The following RNF11 variants were observed in gnomAD, a reference collection of about 807,000 sequenced individuals.
The protein encoded by RNF11 is ring finger protein 11.
Under a neutral mutation model 15.8 loss-of-function variants are expected in RNF11, and 4 were observed. The ratio of observed to expected loss-of-function variants is 0.25; its 90% CI spans 0.12 to 0.58. The LOEUF is 0.58. Ranked by LOEUF, RNF11 falls within the 20% of genes least tolerant of loss-of-function variation. The pLI is 0.91. For synonymous variants in RNF11, 68 were observed against 72.3 expected, an observed-to-expected ratio of 0.94 and a Z score of 0.30; for missense variants, 139 against 194.4, an observed-to-expected ratio of 0.71 and a Z score of 1.70.
chr1:51,236,971 C>T, intron 1 of RNF11, 92 bp downstream of exon 1: 1 of 1,480,488 alleles, frequency 6.8e-7, no homozygotes, highest in Non-Finnish European at 9.1e-7. Context: ...CTGGCTTCGG[C>T]AAGGCCTGGC....
intron 1 of RNF11, among the ~76,000 whole-genome samples, chr1:51,257,449 C>T (rs1336755097): frequency 6.6e-6 from 1 of 151,986 alleles, no homozygotes; most frequent in Non-Finnish European, 1.5e-5. Flanking sequence ...TTTTTATTTA[C>T]ATTTTTTGTT....
At chr1:51,266,677 G>T (rs1364161966) in intron 1 of RNF11, among the ~76,000 whole-genome samples, 1 of 152,018 alleles carries the variant, frequency 6.6e-6, no homozygotes, top group African/African-American at 2.4e-5. Flanking sequence ...TGCCCAGGCT[G>T]GTCTCAAACT....
chr1:51,245,087 A>AGATATG, intron 1 of RNF11, among the ~76,000 whole-genome samples: 1 of 152,176 alleles, frequency 6.6e-6, no homozygotes, highest in African/African-American at 2.4e-5. Context: ...TTGAGACATA[A>AGATATG]TCTTACTCTG....
At chr1:51,257,301 T>C (rs1646908131) in intron 1 of RNF11, among the ~76,000 whole-genome samples, 1 of 152,214 alleles carries the variant, frequency 6.6e-6, no homozygotes, top group South Asian at 2.1e-4. Flanking sequence ...CTCTGGCATA[T>C]TTAAAATGGT....
chr1:51,259,546 C>T (rs1055156857), intron 1 of RNF11, among the ~76,000 whole-genome samples: 4 of 152,170 alleles, frequency 2.6e-5, no homozygotes, highest in African/African-American at 9.7e-5. Context: ...CAAAAATTCT[C>T]ATGTTAAATG....
intron 1 of RNF11, among the ~76,000 whole-genome samples, chr1:51,240,146 A>G (rs1287730481): frequency 6.6e-6 from 1 of 152,128 alleles, no homozygotes; most frequent in African/African-American, 2.4e-5. Context: ...CATTCAAAGT[A>G]AAAATCAGAT....
Position 51,236,711 on chromosome 1 carries a change from A to G in RNF11, c.-46A>G. ...GACCGCGGAGTGTGCGAACGACCCC[A>G]CCGCTGCTTTCTCCTCCCCCAGATC... On this transcript the variant is annotated 5_prime_UTR_variant, in exon 1 of 3. Coordinates refer to ENST00000242719, the MANE Select transcript of RNF11 (RefSeq NM_014372.5). The G allele has an allele frequency of 1.2e-6, 2 of 1,605,304 alleles. No individual in the cohort carries two copies. Among genetic ancestry groups the G allele is most frequent in the Non-Finnish European group, 1.7e-6 (2 of 1,176,444 alleles).
At chr1:51,238,353 C>T (rs756027479) in intron 1 of RNF11, among the ~76,000 whole-genome samples, 6 of 152,126 alleles carry the variant, frequency 3.9e-5, no homozygotes, top group Non-Finnish European at 8.8e-5. Context: ...GTAATCGCCT[C>T]CTTCAGTGCA....
At chr1:51,242,303 CAT>C (rs960201743) in intron 1 of RNF11, among the ~76,000 whole-genome samples, 2 of 148,574 alleles carry the variant, frequency 1.3e-5, no homozygotes, top group Non-Finnish European at 3.0e-5. Context: ...ATTGTGTCTG[CAT>C]AAAGCTTTCT....
chr1:51,269,195 G>A (rs1646968224), intron 1 of RNF11, among the ~76,000 whole-genome samples: 2 of 152,228 alleles, frequency 1.3e-5, no homozygotes, highest in South Asian at 2.1e-4. Flanking sequence ...CCAAGGTGAG[G>A]GCTTGGGGAT....
In RNF11 at chr1:51,250,549, A is replaced by G. The variant is rs1457438994; in HGVS notation, c.123+13670A>G. 7.0e-5 allele frequency: 32 copies of G among 457,296 alleles called. No individual in the cohort carries two copies. In the South Asian group the frequency reaches 7.2e-4, roughly 10 times the overall value. 28.3% of individuals were successfully genotyped at this position (457,296 alleles called of 1,614,324 possible). A position where few individuals can be genotyped will look rare whatever the true frequency, so the allele number is the denominator to read the frequency against. On this transcript the variant is annotated intron_variant, in intron 1 of 2. Transcript: ENST00000242719. ...GAATTTTTGTTTGAGATTTGTGACA[A>G]TTTTTTTTTTTTACGCTTAATTCGC...
intron 1 of RNF11, among the ~76,000 whole-genome samples, chr1:51,258,936 C>G (rs1646917116): frequency 6.6e-6 from 1 of 152,112 alleles, no homozygotes; most frequent in South Asian, 2.1e-4. Flanking sequence ...GCGTTTGCAC[C>G]ACTCCCCACC....
intron 2 of RNF11, among the ~76,000 whole-genome samples, 184 bp downstream of exon 2, chr1:51,270,309 G>A (rs1344529256): frequency 1.3e-5 from 2 of 152,156 alleles, no homozygotes; most frequent in African/African-American, 4.8e-5. Flanking sequence ...AGAATGTTAT[G>A]TAGTAATTAA....
intron 1 of RNF11, among the ~76,000 whole-genome samples, chr1:51,264,287 AATATATATATAT>A (rs1162466435): frequency 9.8e-4 from 32 of 32,528 alleles, no homozygotes; most frequent in Admixed American, 4.2e-3. Context: ...AAAAAAAAAA[AATATATATATAT>A]ATATATATAT....
At chr1:51,242,311 T>G (rs548417724) in intron 1 of RNF11, among the ~76,000 whole-genome samples, 26 of 151,692 alleles carry the variant, frequency 1.7e-4, no homozygotes, top group Non-Finnish European at 3.2e-4. Flanking sequence ...TGCATAAAGC[T>G]TTCTTCAAGA....
intron 1 of RNF11, among the ~76,000 whole-genome samples, chr1:51,237,424 G>GTATATATATATATATATGTGTATATA (rs1168154259): frequency 7.4e-6 from 1 of 135,898 alleles, no homozygotes; most frequent in Non-Finnish European, 1.5e-5. Flanking sequence ...GTGTGTGTGT[G>GTATATATATATATATATGTGTATATA]TATATATATA....
intron 1 of RNF11, among the ~76,000 whole-genome samples, chr1:51,252,932 T>C (rs1167385982): frequency 1.3e-5 from 2 of 151,678 alleles, no homozygotes; most frequent in African/African-American, 2.4e-5. Context: ...GTTCAAGCGA[T>C]TCTCCTGCCT....
chr1:51,268,602 A>C (rs1456285540), intron 1 of RNF11, among the ~76,000 whole-genome samples: 4 of 152,180 alleles, frequency 2.6e-5, no homozygotes, highest in Admixed American at 2.0e-4. Flanking sequence ...AAAACAATTT[A>C]GTTATTTTTG....
chr1:51,242,238 T>A (rs1021778776), intron 1 of RNF11, among the ~76,000 whole-genome samples: 3 of 152,156 alleles, frequency 2.0e-5, no homozygotes, highest in Admixed American at 6.5e-5. Flanking sequence ...TTTATCAGAT[T>A]GTTTTGGGGA....
Sources: gnomAD v4.1 joint callset for allele counts (sites outside exome capture counted in the v4.1 genomes callset) on GRCh38, gnomAD v4.1.1 for gene constraint, MANE v1.5 for transcripts, NCBI Gene and HGNC (gene_info 2026-07-23, HGNC 2026-07-21) for gene names.